The following ADAM10 variants were observed in gnomAD, a reference collection of about 807,000 sequenced individuals.
The protein encoded by ADAM10 is ADAM metallopeptidase domain 10.
Under a neutral mutation model 90.1 loss-of-function variants are expected in ADAM10, and 17 were observed. That is an observed-to-expected ratio of 0.19 (90% CI 0.13 to 0.28). ADAM10 has a LOEUF of 0.28. Among genes scored for constraint, ADAM10 ranks in the 10% least tolerant of loss-of-function variants. The probability of loss-of-function intolerance (pLI) is 1.00; values close to 1 mark genes in which losing one functional copy is unlikely to be tolerated. For missense variants in ADAM10, 610 were observed against 914.3 expected, an observed-to-expected ratio of 0.67 and a Z score of 4.29; for synonymous variants, 310 against 298.6, an observed-to-expected ratio of 1.04 and a Z score of -0.40.
At chr15:58,647,248 A>AATTTT (rs1896571373) in intron 5 of ADAM10, among the ~76,000 whole-genome samples, 1 of 59,602 alleles carries the variant, frequency 1.7e-5, no homozygotes, top group African/African-American at 5.4e-5. Flanking sequence ...GACACTAAGT[A>AATTTT]TTTTTTTTTT....
At chr15:58,697,153 G>A (rs1898003093) in intron 2 of ADAM10, among the ~76,000 whole-genome samples, 1 of 152,164 alleles carries the variant, frequency 6.6e-6, no homozygotes, top group South Asian at 2.1e-4. Flanking sequence ...CCTGCTGGCT[G>A]CTGCCACTGG....
At chr15:58,639,828 AAAG>A (rs1455194107) in intron 8 of ADAM10, among the ~76,000 whole-genome samples, 2 of 152,302 alleles carry the variant, frequency 1.3e-5, no homozygotes, top group East Asian at 3.9e-4. Flanking sequence ...AAAACAAATC[AAAG>A]AATAAACTAA....
At chr15:58,640,184 T>C (rs1412738027) in intron 8 of ADAM10, among the ~76,000 whole-genome samples, 6 of 152,224 alleles carry the variant, frequency 3.9e-5, no homozygotes, top group African/African-American at 1.4e-4. Context: ...AGGCAGAGAC[T>C]CGGCAGAGTA....
chr15:58,729,043 T>C (rs1261207532), intron 1 of ADAM10, among the ~76,000 whole-genome samples: 4 of 152,164 alleles, frequency 2.6e-5, no homozygotes, highest in African/African-American at 7.2e-5. Context: ...GAAGGTCCAA[T>C]TCAACACTGA....
At chr15:58,699,819 A>C (rs772779093) in intron 2 of ADAM10, among the ~76,000 whole-genome samples, 1 of 152,050 alleles carries the variant, frequency 6.6e-6, no homozygotes, top group Non-Finnish European at 1.5e-5. Flanking sequence ...ACAACAAGAA[A>C]TTAATAAAAT....
chr15:58,649,002 G>A (rs1184323559), intron 5 of ADAM10, among the ~76,000 whole-genome samples: 1 of 151,964 alleles, frequency 6.6e-6, no homozygotes. Context: ...TTTTGTTGCT[G>A]TTAAATCCAA....
At chr15:58,622,569 T>C (rs1043185907) in intron 10 of ADAM10, among the ~76,000 whole-genome samples, 2 of 152,210 alleles carry the variant, frequency 1.3e-5, no homozygotes, top group Non-Finnish European at 1.5e-5. Flanking sequence ...TTTATGTACA[T>C]TAGTTTTGCT....
chr15:58,739,189 G>A (rs1899522671), intron 1 of ADAM10, among the ~76,000 whole-genome samples: 1 of 152,118 alleles, frequency 6.6e-6, no homozygotes, highest in African/African-American at 2.4e-5. Flanking sequence ...TGAATTTTAT[G>A]GGCTACCAAG....
At chr15:58,664,795 AT>A (rs1315396708) in intron 5 of ADAM10, among the ~76,000 whole-genome samples, 1 of 152,176 alleles carries the variant, frequency 6.6e-6, no homozygotes, top group Non-Finnish European at 1.5e-5. Context: ...GGTCACTCTA[AT>A]TTTAATGCTA....
chr15:58,682,640 A>T (rs539299694), intron 2 of ADAM10, among the ~76,000 whole-genome samples: 2 of 152,280 alleles, frequency 1.3e-5, no homozygotes, highest in African/African-American at 4.8e-5. Context: ...TTCCTGACCC[A>T]ATTACTATTA....
At chr15:58,667,640 T>C (rs1424561014) in intron 4 of ADAM10, among the ~76,000 whole-genome samples, 1 of 152,148 alleles carries the variant, frequency 6.6e-6, no homozygotes, top group Non-Finnish European at 1.5e-5. Context: ...ATAAAAATTA[T>C]TTTTGTTAGT....
intron 1 of ADAM10, 27 bp downstream of exon 1, chr15:58,749,453 C>T: frequency 3.3e-6 from 5 of 1,523,180 alleles, no homozygotes; most frequent in South Asian, 1.2e-5. Context: ...GGTCGCGGCG[C>T]CCCCGGCGCT....
intron 8 of ADAM10, among the ~76,000 whole-genome samples, chr15:58,634,427 A>G (rs980231229): frequency 1.4e-4 from 22 of 152,242 alleles, no homozygotes; most frequent in Admixed American, 1.2e-3. Context: ...GACACTATCA[A>G]ATTTTAAAAG....
intron 1 of ADAM10, chr15:58,747,507 TCATA>T (rs1396524921): frequency 2.0e-5 from 3 of 152,208 alleles, no homozygotes; most frequent in Admixed American, 6.5e-5. Context: ...CTACAAATCA[TCATA>T]CAAAGATCTT....
At chr15:58,675,818 G>T (rs1001106616) in intron 4 of ADAM10, among the ~76,000 whole-genome samples, 2 of 152,110 alleles carry the variant, frequency 1.3e-5, no homozygotes, top group East Asian at 3.8e-4. Context: ...TGCAAAAACA[G>T]TATTAAGAAG....
chr15:58,708,252 A>G (rs543172748), intron 2 of ADAM10, among the ~76,000 whole-genome samples: 1 of 152,320 alleles, frequency 6.6e-6, no homozygotes, highest in Admixed American at 6.5e-5. Flanking sequence ...ACAAAATCAG[A>G]GTTTAAATCT....
intron 4 of ADAM10, among the ~76,000 whole-genome samples, chr15:58,673,981 C>T (rs1010799273): frequency 2.6e-5 from 4 of 151,752 alleles, no homozygotes; most frequent in Non-Finnish European, 4.4e-5. Context: ...GATCCGCCTG[C>T]CTCAGCCTCC....
Position 58,592,126 on chromosome 15 carries a change from A to G in ADAM10, c.*5421T>C, listed in dbSNP as rs548733425. 6.6e-6 allele frequency: 1 copy of G among 152,240 alleles called. No homozygotes were observed. Among genetic ancestry groups the G allele is most frequent in the Non-Finnish European group, 1.5e-5 (1 of 68,058 alleles). The allele number at this position is 152,240 out of a possible 1,614,324, so 9.4% of individuals were successfully genotyped here. A position where few individuals can be genotyped will look rare whatever the true frequency, so the allele number is the denominator to read the frequency against. On this transcript the variant is annotated 3_prime_UTR_variant, in exon 16 of 16. Coordinates refer to ENST00000260408, the MANE Select transcript of ADAM10 (RefSeq NM_001110.4). ...GGTAGTTAGATCAGGAGGCTTCATC[A>G]TGATGAGATGTGACTTTTGGCAGAA...
intron 11 of ADAM10, among the ~76,000 whole-genome samples, chr15:58,619,630 T>C (rs1895721225): frequency 6.6e-6 from 1 of 151,940 alleles, no homozygotes; most frequent in Non-Finnish European, 1.5e-5. Context: ...AGGGGCCGGG[T>C]GCAGTGGCTC....
Sources: allele counts gnomAD v4.1 joint callset (sites outside exome capture counted in the v4.1 genomes callset), GRCh38; gene constraint gnomAD v4.1.1; transcripts MANE v1.5; gene names NCBI Gene and HGNC (gene_info 2026-07-23, HGNC 2026-07-21).